ABCA13: variants seen among roughly 807,000 people sequenced by gnomAD.
ABCA13 encodes the protein ATP binding cassette subfamily A member 13.
In ABCA13, 476 loss-of-function variants were observed where a neutral mutation model predicts 478.7. The observed-to-expected ratio is 0.99, with a 90% CI of 0.92 to 1.07. The LOEUF (loss-of-function observed/expected upper bound fraction) is 1.07. ABCA13 is among the 50% of genes least tolerant of loss of function. The probability of loss-of-function intolerance (pLI) is 0.00; values close to 1 mark genes in which losing one functional copy is unlikely to be tolerated. For missense variants in ABCA13, 6,060 were observed against 5,910.6 expected (o/e 1.03, Z -0.83); for synonymous variants, 2,252 against 2,158.9 (o/e 1.04, Z -1.20).
At chr7:48,320,220 A>G (rs1803239715) in intron 27 of ABCA13, among the ~76,000 whole-genome samples, 2 of 152,234 alleles carry the variant, frequency 1.3e-5, no homozygotes, top group Admixed American at 6.5e-5. Context: ...ATGTGGGGTA[A>G]TAGAAGAAGC....
intron 56 of ABCA13, among the ~76,000 whole-genome samples, chr7:48,580,652 C>T (rs948034052): frequency 5.9e-5 from 9 of 152,202 alleles, no homozygotes; most frequent in African/African-American, 2.2e-4. Flanking sequence ...ATCCCCCTTG[C>T]TCTTTTCTTC....
chr7:48,346,212 A>G (rs1308323570), intron 29 of ABCA13, among the ~76,000 whole-genome samples: 2 of 152,172 alleles, frequency 1.3e-5, no homozygotes, highest in African/African-American at 4.8e-5. Context: ...CATGGCTGTA[A>G]GATGTACCTA....
chr7:48,419,141 A>G (rs971224950), intron 41 of ABCA13, among the ~76,000 whole-genome samples: 4 of 152,180 alleles, frequency 2.6e-5, no homozygotes, highest in African/African-American at 9.7e-5. Context: ...GGGCTAAACC[A>G]TTCATGAAAA....
At chr7:48,316,732 A>G (rs1259168373) in intron 26 of ABCA13, among the ~76,000 whole-genome samples, 1 of 152,220 alleles carries the variant, frequency 6.6e-6, no homozygotes, top group Non-Finnish European at 1.5e-5. Flanking sequence ...CACTCATGGC[A>G]GAAATTGAAG....
chr7:48,431,749 T>C lies in ABCA13; in HGVS notation c.12565+3878T>C, dbSNP rs565787349. On this transcript the variant is annotated intron_variant, in intron 42 of 61. Coordinates refer to ENST00000435803, the MANE Select transcript of ABCA13 (RefSeq NM_152701.5). ...GCCTTATTTCATATCTTTTATAGTC[T>C]TCTTTCCTTCTTGTATTCTTCCTGG... is the stretch of plus-strand genomic sequence containing the variant. Among the ~76,000 whole-genome samples the C allele has an allele frequency of 1.4e-4, 21 of 152,372 alleles. No homozygotes were observed. The Middle Eastern group carries it at 0.01, about 74-fold the overall frequency.
chr7:48,469,313 T>G (rs1827217307), intron 44 of ABCA13, among the ~76,000 whole-genome samples: 1 of 152,144 alleles, frequency 6.6e-6, no homozygotes, highest in South Asian at 2.1e-4. Context: ...TGGTGACAGA[T>G]TCCCTCTTAG....
In ABCA13 at chr7:48,294,461, A is replaced by G. The variant is rs866771372; in HGVS notation, c.8956-1239A>G. ...TTTTTTGTTTTGTTTTTTTTTTGAG[A>G]CGGAGTCTCGCTCTGTCGCCCAGGC... On this transcript the variant is annotated intron_variant, in intron 20 of 61. Coordinates refer to ENST00000435803, the MANE Select transcript of ABCA13 (RefSeq NM_152701.5). Among the ~76,000 whole-genome samples the G allele has an allele frequency of 2.8e-3, 348 of 124,026 alleles. 3 individuals carry two copies. Among genetic ancestry groups the G allele is most frequent in the Non-Finnish European group, 4.2e-3 (262 of 62,256 alleles). The allele number at this position is 124,026 out of a possible 152,430, so 81.4% of individuals were successfully genotyped here. A position where few individuals can be genotyped will look rare whatever the true frequency, so the allele number is the denominator to read the frequency against.
At chr7:48,269,128 T>A (rs1174151555) in intron 16 of ABCA13, 34 bp downstream of exon 16, 1 of 1,190,280 alleles carries the variant, frequency 8.4e-7, no homozygotes, top group Admixed American at 1.9e-5. Flanking sequence ...TAGGTCTTGA[T>A]TTAATTATCA....
chr7:48,529,650 T>C (rs1271169455), intron 55 of ABCA13, among the ~76,000 whole-genome samples: 1 of 152,216 alleles, frequency 6.6e-6, no homozygotes, highest in Non-Finnish European at 1.5e-5. Context: ...CATTGTTTTG[T>C]GGATGTAGAG....
chr7:48,586,588 G>A (rs1347722050), intron 56 of ABCA13, among the ~76,000 whole-genome samples: 1 of 152,060 alleles, frequency 6.6e-6, no homozygotes, highest in Non-Finnish European at 1.5e-5. Flanking sequence ...AAGTGCGGAG[G>A]GAGGGCGTGT....
intron 29 of ABCA13, among the ~76,000 whole-genome samples, chr7:48,348,238 G>C (rs1808406461): frequency 6.6e-6 from 1 of 152,178 alleles, no homozygotes; most frequent in Non-Finnish European, 1.5e-5. Flanking sequence ...CGGAGGCTCA[G>C]AACTTTTCCA....
chr7:48,439,996 C>T (rs1430383749), intron 42 of ABCA13, among the ~76,000 whole-genome samples: 1 of 152,062 alleles, frequency 6.6e-6, no homozygotes, highest in African/African-American at 2.4e-5. Flanking sequence ...ACTGAATTTC[C>T]GCAACTTGAG....
At chr7:48,502,819 C>G (rs1386212450) in intron 48 of ABCA13, among the ~76,000 whole-genome samples, 6 of 152,184 alleles carry the variant, frequency 3.9e-5, no homozygotes, top group African/African-American at 1.4e-4. Context: ...AAATAGCATA[C>G]AGCACATGGC....
At chr7:48,359,549 G>A (rs1288453431) in intron 31 of ABCA13, among the ~76,000 whole-genome samples, 1 of 151,930 alleles carries the variant, frequency 6.6e-6, no homozygotes, top group Non-Finnish European at 1.5e-5. Flanking sequence ...CTTCTCTTCA[G>A]CAGTTGCCCC....
At chr7:48,254,562 C>T (rs1397595512) in intron 15 of ABCA13, among the ~76,000 whole-genome samples, 1 of 152,092 alleles carries the variant, frequency 6.6e-6, no homozygotes, top group East Asian at 1.9e-4. Flanking sequence ...TTATTAAATG[C>T]ATTTCAGACA....
At chr7:48,537,299 A>T in intron 55 of ABCA13, among the ~76,000 whole-genome samples, 1 of 152,126 alleles carries the variant, frequency 6.6e-6, no homozygotes, top group Non-Finnish European at 1.5e-5. Flanking sequence ...GACTACCAAT[A>T]TGCTTTTTGT....
chr7:48,581,837 ATC>A (rs1788738367), intron 56 of ABCA13, among the ~76,000 whole-genome samples: 1 of 152,218 alleles, frequency 6.6e-6, no homozygotes, highest in African/African-American at 2.4e-5. Context: ...ACACTTTTGC[ATC>A]TGTTTCCAAA....
chr7:48,547,397 C>T (rs1054503544), intron 55 of ABCA13, among the ~76,000 whole-genome samples: 8 of 151,888 alleles, frequency 5.3e-5, no homozygotes, highest in Non-Finnish European at 1.0e-4. Context: ...AAAGAAAATG[C>T]TGCCTCTTCC....
chr7:48,330,562 C>A (rs1369993245), intron 27 of ABCA13, among the ~76,000 whole-genome samples: 1 of 147,942 alleles, frequency 6.8e-6, no homozygotes, highest in Non-Finnish European at 1.5e-5. Context: ...TCCATCCACA[C>A]ATCCATCCAT....
Sources: allele counts gnomAD v4.1 joint callset (sites outside exome capture counted in the v4.1 genomes callset), GRCh38; gene constraint gnomAD v4.1.1; transcripts MANE v1.5; gene names NCBI Gene and HGNC (gene_info 2026-07-23, HGNC 2026-07-21).